Variants in KALRN observed in about 807,000 individuals in gnomAD.
KALRN encodes the protein kalirin RhoGEF kinase.
A neutral mutation model predicts 353.7 loss-of-function variants in KALRN; 70 were observed. The observed-to-expected ratio is 0.20, with a 90% confidence interval of 0.16 to 0.24. The LOEUF is 0.24. Ranked by LOEUF, KALRN falls within the 10% of genes least tolerant of loss-of-function variation. The pLI is 1.00. For missense variants in KALRN, 2,791 were observed against 3,756.7 expected (o/e 0.74, Z 6.72); for synonymous variants, 1,391 against 1,434.8 (o/e 0.97, Z 0.69).
intron 7 of KALRN, among the ~76,000 whole-genome samples, chr3:124,328,540 G>A (rs1159518652): frequency 1.3e-5 from 2 of 152,136 alleles, no homozygotes; most frequent in Non-Finnish European, 2.9e-5. Flanking sequence ...AGTTATTGGT[G>A]GAGCAAAGAA....
At chr3:124,519,320 A>G (rs1006270230) in intron 33 of KALRN, 6 of 984,564 alleles carry the variant, frequency 6.1e-6, no homozygotes, top group Non-Finnish European at 6.0e-6. Flanking sequence ...GCAATTTTTC[A>G]TAATAAAAAA....
At chr3:124,272,467 A>G (rs551907435) in intron 5 of KALRN, among the ~76,000 whole-genome samples, 1 of 152,208 alleles carries the variant, frequency 6.6e-6, no homozygotes, top group Non-Finnish European at 1.5e-5. Flanking sequence ...ATCCAAATAT[A>G]TGATCCCTGA....
chr3:124,366,832 G>A (rs1247703052), intron 10 of KALRN, among the ~76,000 whole-genome samples: 1 of 147,670 alleles, frequency 6.8e-6, no homozygotes, highest in African/African-American at 2.6e-5. Context: ...CTGGGCGGGG[G>A]TCTGACCCCC....
At chr3:124,037,838 A>G (rs2039571474) in intron 1 of KALRN, among the ~76,000 whole-genome samples, 1 of 152,132 alleles carries the variant, frequency 6.6e-6, no homozygotes, top group Non-Finnish European at 1.5e-5. Flanking sequence ...ACAGTGTCTG[A>G]CTGATGGACA....
intron 34 of KALRN, among the ~76,000 whole-genome samples, chr3:124,576,576 T>G (rs1486006252): frequency 6.6e-6 from 1 of 152,212 alleles, no homozygotes; most frequent in East Asian, 1.9e-4. Context: ...TTATTTGGAC[T>G]GGTTGAAGGA....
chr3:124,060,368 T>C (rs755578269), intron 1 of KALRN, among the ~76,000 whole-genome samples: 27 of 152,196 alleles, frequency 1.8e-4, no homozygotes, highest in Admixed American at 6.5e-4. Context: ...AAAGTACTAT[T>C]GTAGGTGTTA....
chr3:124,550,636 G>C (rs1274810077), intron 33 of KALRN, among the ~76,000 whole-genome samples: 2 of 152,072 alleles, frequency 1.3e-5, no homozygotes, highest in Non-Finnish European at 1.5e-5. Context: ...TGGCTACTTA[G>C]TGCCACTAGA....
intron 13 of KALRN, chr3:124,410,336 G>A (rs1263785049): frequency 2.0e-6 from 1 of 508,578 alleles, no homozygotes; most frequent in Non-Finnish European, 4.0e-6. Flanking sequence ...GAAAAGGCAG[G>A]CTCTTCCTTT....
chr3:124,595,145 T>C (rs1030952071), intron 34 of KALRN, among the ~76,000 whole-genome samples: 5 of 152,098 alleles, frequency 3.3e-5, no homozygotes, highest in Non-Finnish European at 7.4e-5. Flanking sequence ...AGATAACTAG[T>C]ATTAACACAA....
chr3:124,693,677 T>G (rs2289428), intron 51 of KALRN, 127 bp from the exon 52 acceptor site: 104,574 of 567,162 alleles, frequency 0.18, 10,491 homozygotes, highest in Middle Eastern at 0.25. Context: ...CACAACACAG[T>G]GGGAAGTTGG....
chr3:124,516,616 T>C (rs1169325854), intron 33 of KALRN, among the ~76,000 whole-genome samples: 1 of 142,918 alleles, frequency 7.0e-6, no homozygotes, highest in African/African-American at 2.6e-5. Context: ...ATAAATTCTG[T>C]AGGCCTTGTA....
In KALRN at chr3:124,268,904, C is replaced by T. The variant is rs371564633; in HGVS notation, c.618C>T (p.Leu206=). ...FNSAVHLLSR[L]EDLQEMLARK... ...GCGCCGTGCACCTGCTCTCGCGCCTCGAGGACCTCCAGGAGATGCTAGCCC... is the reference window on the plus strand; with the variant it reads ...GCGCCGTGCACCTGCTCTCGCGCCTTGAGGACCTCCAGGAGATGCTAGCCC... Residue 206 remains leucine (L), a synonymous_variant, in exon 5 of 60, where the codon CTC becomes CTT. Transcript: ENST00000682506. 4.3e-5 allele frequency: 70 copies of T among 1,614,000 alleles called. No individual in the cohort carries two copies. The highest frequency in any genetic ancestry group is 5.7e-5 in the Non-Finnish European group (67 of 1,179,992).
At chr3:124,397,346 G>A (rs1020453417) in intron 12 of KALRN, among the ~76,000 whole-genome samples, 3 of 152,188 alleles carry the variant, frequency 2.0e-5, no homozygotes, top group South Asian at 2.1e-4. Flanking sequence ...CCCTGTGACC[G>A]GTAGACGGAA....
At chr3:124,707,563 T>C (rs1382117666) in intron 57 of KALRN, among the ~76,000 whole-genome samples, 2 of 152,114 alleles carry the variant, frequency 1.3e-5, no homozygotes, top group Non-Finnish European at 2.9e-5. Context: ...CAAAGAACTA[T>C]GTAGCATGCA....
chr3:124,443,350 G>C (rs1576981831), intron 19 of KALRN, among the ~76,000 whole-genome samples: 1 of 152,204 alleles, frequency 6.6e-6, no homozygotes, highest in African/African-American at 2.4e-5. Flanking sequence ...AGTGAGGAGT[G>C]GGGTATGGGC....
rs777954894 is a variant in KALRN, at chr3:124,334,324, C to G, written c.1476C>G (p.Asn492Lys). 6.2e-6 allele frequency: 10 copies of G among 1,614,162 alleles called. No homozygotes were observed. ...TGCAGCGGCCCCTGAGCCCTGGGAA[C>G]TCCGAATCCCTCACGGCCACAGCCA... Reference protein sequence around the residue: ...DVLQRPLSPGNSESLTATANY... With the variant: ...DVLQRPLSPGKSESLTATANY... Residue 492 changes from asparagine (N) to lysine (K), a missense_variant, in exon 9 of 60, where the codon AAC becomes AAG. This residue lies in a region of KALRN where 366 missense variants were observed against 489.2 expected (regional missense o/e 0.75). Transcript: ENST00000682506. The surrounding 1 kb of genome is among the most constrained non-coding windows in gnomAD (Gnocchi z 4.2).
At chr3:124,453,614 C>T (rs891895151) in intron 21 of KALRN, among the ~76,000 whole-genome samples, 2 of 152,192 alleles carry the variant, frequency 1.3e-5, no homozygotes, top group Non-Finnish European at 2.9e-5. Context: ...TAGATTGTAG[C>T]ATGGTTTAAA....
chr3:124,499,660 A>T (rs999168914), intron 33 of KALRN, among the ~76,000 whole-genome samples: 2 of 152,312 alleles, frequency 1.3e-5, no homozygotes, highest in African/African-American at 2.4e-5. Flanking sequence ...TCTCTTTTCC[A>T]TCTGCTAGCC....
intron 1 of KALRN, among the ~76,000 whole-genome samples, chr3:124,179,711 G>A (rs1415582989): frequency 1.3e-5 from 2 of 152,210 alleles, no homozygotes; most frequent in African/African-American, 4.8e-5. Flanking sequence ...ATGTCACTAG[G>A]TGGTAGGAGT....
Sources: allele counts gnomAD v4.1 joint callset (sites outside exome capture counted in the v4.1 genomes callset), GRCh38; gene constraint gnomAD v4.1.1; regional missense constraint gnomAD v4.1.1; non-coding constraint Gnocchi (gnomAD v3.1); transcripts MANE v1.5; gene names NCBI Gene and HGNC (gene_info 2026-07-23, HGNC 2026-07-21).